Variants in CSMD1 observed in about 807,000 individuals in gnomAD.
The protein encoded by CSMD1 is CUB and Sushi multiple domains 1.
Under a neutral mutation model 417.5 loss-of-function variants are expected in CSMD1, and 213 were observed. The ratio of observed to expected loss-of-function variants is 0.51; its 90% CI spans 0.46 to 0.57. The LOEUF (loss-of-function observed/expected upper bound fraction) is 0.57. CSMD1 is among the 20% of genes least tolerant of loss of function. The pLI is 0.00. For synonymous variants in CSMD1, 2,862 were observed against 1,736.8 expected, an observed-to-expected ratio of 1.65 and a Z score of -16.11; for missense variants, 6,923 against 4,529.7, an observed-to-expected ratio of 1.53 and a Z score of -15.17.
intron 2 of CSMD1, among the ~76,000 whole-genome samples, chr8:4,545,862 G>C (rs1303585298): frequency 2.0e-5 from 3 of 152,126 alleles, no homozygotes; most frequent in African/African-American, 7.2e-5. Context: ...CATTTCATCA[G>C]GTGTCCTCTA....
chr8:4,257,532 A>G (rs190969626), intron 3 of CSMD1, among the ~76,000 whole-genome samples: 129 of 152,332 alleles, frequency 8.5e-4, no homozygotes, highest in Non-Finnish European at 1.5e-3. Context: ...AGTTTTGAAT[A>G]AAGTCCTTTC....
chr8:3,031,458 G>C (rs146759769), intron 50 of CSMD1, among the ~76,000 whole-genome samples: 136 of 151,640 alleles, frequency 9.0e-4, no homozygotes, highest in Admixed American at 2.9e-3. Context: ...AAAACTTAAA[G>C]TCTAACAATA....
chr8:4,616,765 C>T (rs1446267565), intron 2 of CSMD1, among the ~76,000 whole-genome samples: 8 of 152,180 alleles, frequency 5.3e-5, no homozygotes, highest in African/African-American at 1.4e-4. Context: ...GGCATAAATG[C>T]ATGGCTACCC....
At chr8:4,630,221 C>T (rs577917168) in intron 2 of CSMD1, among the ~76,000 whole-genome samples, 97 of 151,538 alleles carry the variant, frequency 6.4e-4, no homozygotes, top group African/African-American at 2.3e-3. Flanking sequence ...TTTCTAATTA[C>T]TAGTCATTTT....
At chr8:4,244,424 G>A (rs1007518592) in intron 3 of CSMD1, among the ~76,000 whole-genome samples, 1 of 152,080 alleles carries the variant, frequency 6.6e-6, no homozygotes, top group African/African-American at 2.4e-5. Flanking sequence ...AGAAAAGCAG[G>A]CCTGTATATT....
intron 3 of CSMD1, among the ~76,000 whole-genome samples, chr8:4,104,551 C>G (rs1317049329): frequency 6.6e-6 from 1 of 152,086 alleles, no homozygotes; most frequent in East Asian, 1.9e-4. Flanking sequence ...CTTTTCAAAG[C>G]CACTTTTCTG....
In CSMD1 at chr8:3,029,797, T is replaced by A. The variant is rs143530173; in HGVS notation, c.7661-284A>T. On this transcript the variant is annotated intron_variant, in intron 50 of 69. Coordinates refer to ENST00000635120, the MANE Select transcript of CSMD1 (RefSeq NM_033225.6). ...ACTTCCACAAAAGTATATGGCTCAT[T>A]GAAGTTGATGAAAATTTTCATGAGG... Among the ~76,000 whole-genome samples, 56 of 152,104 alleles carry A rather than the reference T, an allele frequency of 3.7e-4. 1 individual carries two copies. Among genetic ancestry groups the A allele is most frequent in the African/African-American group, 1.3e-3 (53 of 41,530 alleles).
intron 1 of CSMD1, among the ~76,000 whole-genome samples, chr8:4,853,329 C>G (rs1181829804): frequency 6.6e-6 from 1 of 152,174 alleles, no homozygotes; most frequent in Admixed American, 6.5e-5. Flanking sequence ...GCCAGGAATG[C>G]AAGGTGGCTG....
chr8:4,175,529 G>T (rs1403438508), intron 3 of CSMD1, among the ~76,000 whole-genome samples: 6 of 152,164 alleles, frequency 3.9e-5, no homozygotes, highest in African/African-American at 1.4e-4. Flanking sequence ...GAAGCCCAAT[G>T]GATAAATGTA....
At chr8:4,855,060 G>A (rs1419949813) in intron 1 of CSMD1, among the ~76,000 whole-genome samples, 1 of 152,120 alleles carries the variant, frequency 6.6e-6, no homozygotes, top group Admixed American at 6.5e-5. Flanking sequence ...CAAGCAGCTG[G>A]AGATCTGAGA....
At chr8:4,525,348 G>T (rs1158224708) in intron 2 of CSMD1, among the ~76,000 whole-genome samples, 1 of 152,140 alleles carries the variant, frequency 6.6e-6, no homozygotes, top group Non-Finnish European at 1.5e-5. Context: ...CAGACAGTGA[G>T]TGAGAAACCT....
At chr8:3,115,090 A>G (rs1007415262) in intron 42 of CSMD1, among the ~76,000 whole-genome samples, 3 of 152,128 alleles carry the variant, frequency 2.0e-5, no homozygotes, top group African/African-American at 7.2e-5. Flanking sequence ...AATATTTTAA[A>G]TTGTTGAACT....
At chr8:4,635,958 T>C (rs1167859957) in intron 2 of CSMD1, among the ~76,000 whole-genome samples, 1 of 152,014 alleles carries the variant, frequency 6.6e-6, no homozygotes, top group South Asian at 2.1e-4. Context: ...GAAAAAAAAC[T>C]AGGTGTTTGA....
chr8:3,327,600 T>C (rs1030049407), intron 23 of CSMD1, among the ~76,000 whole-genome samples: 2 of 152,200 alleles, frequency 1.3e-5, no homozygotes, highest in African/African-American at 4.8e-5. Context: ...TAAGAATTCG[T>C]AGGATAATTG....
chr8:4,200,745 C>T (rs892384294), intron 3 of CSMD1, among the ~76,000 whole-genome samples: 2 of 152,030 alleles, frequency 1.3e-5, no homozygotes, highest in Non-Finnish European at 2.9e-5. Flanking sequence ...ATCTGTAGTC[C>T]CAACTACTCT....
chr8:3,130,928 T>C (rs1817760865), intron 41 of CSMD1, among the ~76,000 whole-genome samples: 1 of 152,188 alleles, frequency 6.6e-6, no homozygotes, highest in Non-Finnish European at 1.5e-5. Flanking sequence ...ACAGTCCATA[T>C]CTACATTGTA....
intron 3 of CSMD1, among the ~76,000 whole-genome samples, chr8:4,303,465 T>C (rs1308177805): frequency 1.6e-5 from 2 of 122,366 alleles, no homozygotes; most frequent in African/African-American, 6.2e-5. Context: ...TTGAGTTCTC[T>C]GTGCTGAGCT....
chr8:3,915,864 A>G (rs1808784177), intron 5 of CSMD1, among the ~76,000 whole-genome samples: 1 of 149,340 alleles, frequency 6.7e-6, no homozygotes, highest in African/African-American at 2.5e-5. Context: ...GAAACTTTTC[A>G]ATTGTTTTTG....
At chr8:4,141,905 C>T (rs1339941309) in intron 3 of CSMD1, among the ~76,000 whole-genome samples, 1 of 150,910 alleles carries the variant, frequency 6.6e-6, no homozygotes, top group African/African-American at 2.5e-5. Flanking sequence ...AACATGAGAA[C>T]TTCTTAGAGT....
Sources: allele counts gnomAD v4.1 joint callset (sites outside exome capture counted in the v4.1 genomes callset), GRCh38; gene constraint gnomAD v4.1.1; transcripts MANE v1.5; gene names NCBI Gene and HGNC (gene_info 2026-07-23, HGNC 2026-07-21).